Variants in CCDC3 observed in about 807,000 individuals in gnomAD.
CCDC3 encodes coiled-coil domain-containing protein 3.
A neutral mutation model predicts 21.4 loss-of-function variants in CCDC3; 24 were observed. That is an observed-to-expected ratio of 1.12 (90% confidence interval 0.81 to 1.58). The LOEUF (loss-of-function observed/expected upper bound fraction) is 1.58, where lower values mean the gene tolerates loss of function less well. CCDC3 is among the 40% of genes most tolerant of loss of function. CCDC3 has a pLI of 0.00. For synonymous variants in CCDC3, 186 were observed against 166.0 expected (o/e 1.12, Z -0.93); for missense variants, 425 against 360.9 (o/e 1.18, Z -1.44).
chr10:12,986,558 A>T (rs1835594459), intron 2 of CCDC3, among the ~76,000 whole-genome samples: 1 of 152,196 alleles, frequency 6.6e-6, no homozygotes, highest in Non-Finnish European at 1.5e-5. Context: ...GCGGATCACA[A>T]GGTCAGGAGA....
intron 2 of CCDC3, among the ~76,000 whole-genome samples, chr10:12,908,454 G>A (rs1232693571): frequency 6.6e-6 from 1 of 152,074 alleles, no homozygotes; most frequent in Non-Finnish European, 1.5e-5. Flanking sequence ...TTTCTCCCAG[G>A]GAGTTTTGCA....
At chr10:12,938,972 C>T (rs1834779628) in intron 2 of CCDC3, among the ~76,000 whole-genome samples, 1 of 152,208 alleles carries the variant, frequency 6.6e-6, no homozygotes, top group South Asian at 2.1e-4. Flanking sequence ...AATATGCCAA[C>T]CCCAGATCTA....
intron 2 of CCDC3, among the ~76,000 whole-genome samples, chr10:12,977,324 GAAAAA>G (rs1407035408): frequency 6.8e-6 from 1 of 146,500 alleles, no homozygotes; most frequent in African/African-American, 2.7e-5. Context: ...AGGAAAGGAA[GAAAAA>G]GAAAAGAAAG....
At chr10:13,069,742 G>T (rs988998908) in intron 4 of CCDC3, among the ~76,000 whole-genome samples, 2 of 152,152 alleles carry the variant, frequency 1.3e-5, no homozygotes, top group African/African-American at 4.8e-5. Context: ...TTCCAAAATT[G>T]TATGGGATGT....
intron 2 of CCDC3, among the ~76,000 whole-genome samples, chr10:12,902,317 A>ACC (rs561179173): frequency 6.6e-6 from 1 of 151,894 alleles, no homozygotes; most frequent in Non-Finnish European, 1.5e-5. Flanking sequence ...CCAAAATGAG[A>ACC]CCCCCTCAAA....
intron 2 of CCDC3, among the ~76,000 whole-genome samples, chr10:12,919,824 C>T (rs1834420703): frequency 6.6e-6 from 1 of 152,172 alleles, no homozygotes; most frequent in Non-Finnish European, 1.5e-5. Flanking sequence ...AAATCCTTGC[C>T]CTGCAGGGAT....
intron 2 of CCDC3, among the ~76,000 whole-genome samples, chr10:12,921,739 C>T (rs17592572): frequency 7.3e-6 from 1 of 136,472 alleles, no homozygotes. Context: ...TAGCCGGTTT[C>T]TGTTTTTTGT....
intron 4 of CCDC3, among the ~76,000 whole-genome samples, chr10:13,066,729 C>T (rs202066443): frequency 2.0e-5 from 3 of 152,178 alleles, no homozygotes; most frequent in African/African-American, 7.2e-5. Flanking sequence ...TGAGCCTGCC[C>T]ACACGTGCAC....
At chr10:13,085,471 T>C (rs1476847795) in intron 3 of CCDC3, among the ~76,000 whole-genome samples, 1 of 152,190 alleles carries the variant, frequency 6.6e-6, no homozygotes, top group Non-Finnish European at 1.5e-5. Context: ...CAGATGGATT[T>C]TCAGTCCAAA....
intron 2 of CCDC3, among the ~76,000 whole-genome samples, chr10:12,995,195 T>C (rs1235759858): frequency 2.0e-5 from 3 of 152,136 alleles, no homozygotes; most frequent in Non-Finnish European, 4.4e-5. Context: ...AAAAAGTCAA[T>C]GTAATTTTAA....
chr10:13,083,328 A>T (rs1837065283), intron 3 of CCDC3, among the ~76,000 whole-genome samples: 1 of 152,264 alleles, frequency 6.6e-6, no homozygotes, highest in Admixed American at 6.5e-5. Flanking sequence ...CTAGAACAAG[A>T]CATGTTAAGA....
chr10:13,086,086 C>T (rs1452733758), intron 3 of CCDC3, among the ~76,000 whole-genome samples: 2 of 151,958 alleles, frequency 1.3e-5, no homozygotes, highest in Non-Finnish European at 2.9e-5. Flanking sequence ...CCAAGAGAGG[C>T]CTTGTTATTT....
In CCDC3 at chr10:12,956,714, C is replaced by T. The variant is rs562566714; in HGVS notation, c.549+41624G>A. ...CTGAGCCCTCTTCTTAGCTAGGTCT[C>T]AGCCTTGGCCTAGAACAGCTACAAC... On this transcript the variant is annotated intron_variant, in intron 2 of 2. Transcript: ENST00000378825. 5.9e-5 allele frequency among the ~76,000 whole-genome samples: 9 copies of T among 152,344 alleles called. No individual in the cohort carries two copies. The South Asian group carries it at 1.9e-3, about 32-fold the overall frequency.
intron 1 of CCDC3, 78 bp downstream of exon 1, chr10:13,001,119 G>A: frequency 1.4e-6 from 2 of 1,479,370 alleles, no homozygotes; most frequent in South Asian, 1.4e-5. Flanking sequence ...GGGAGTTACC[G>A]GCCTGGCTCT....
intron 2 of CCDC3, among the ~76,000 whole-genome samples, chr10:12,980,405 T>C (rs970107984): frequency 6.6e-6 from 1 of 152,146 alleles, no homozygotes; most frequent in African/African-American, 2.4e-5. Context: ...GCGCTTATTC[T>C]AACCACAGCC....
chr10:13,094,782 T>C (rs1832612036), intron 3 of CCDC3, among the ~76,000 whole-genome samples: 2 of 152,056 alleles, frequency 1.3e-5, no homozygotes, highest in Non-Finnish European at 2.9e-5. Flanking sequence ...GAGAATTGCT[T>C]GAGCCCAGGA....
intron 5 of CCDC3, among the ~76,000 whole-genome samples, chr10:13,011,492 A>G (rs1266156549): frequency 6.6e-6 from 1 of 152,188 alleles, no homozygotes; most frequent in Non-Finnish European, 1.5e-5. Context: ...GAGGTGAAAG[A>G]TCTCTACAAT....
chr10:12,908,540 C>A (rs1834212714), intron 2 of CCDC3, among the ~76,000 whole-genome samples: 1 of 152,022 alleles, frequency 6.6e-6, no homozygotes, highest in African/African-American at 2.4e-5. Flanking sequence ...AACTCTAAAT[C>A]CTTTTTCTAG....
At chr10:13,006,675 G>A (rs962855887), upstream of CCDC3, among the ~76,000 whole-genome samples, 2 of 152,190 alleles carry the variant, frequency 1.3e-5, no homozygotes, top group African/African-American at 4.8e-5. Flanking sequence ...GTCAACTTTG[G>A]TCCCTTTGGA....
Sources: allele counts gnomAD v4.1 joint callset (sites outside exome capture counted in the v4.1 genomes callset), GRCh38; gene constraint gnomAD v4.1.1; transcripts MANE v1.5; gene names NCBI Gene and HGNC (gene_info 2026-07-23, HGNC 2026-07-21).